Variants in MAP7D1 observed in about 807,000 individuals in gnomAD.
MAP7D1 encodes the protein MAP7 domain-containing protein 1.
A neutral mutation model predicts 97.5 loss-of-function variants in MAP7D1; 30 were observed. The ratio of observed to expected loss-of-function variants is 0.31; its 90% confidence interval spans 0.23 to 0.42. The LOEUF (loss-of-function observed/expected upper bound fraction) is 0.42. Ranked by LOEUF, MAP7D1 falls within the 10% of genes least tolerant of loss-of-function variation. The probability of loss-of-function intolerance (pLI) is 1.00; values close to 1 mark genes in which losing one functional copy is unlikely to be tolerated. For missense variants in MAP7D1, 1,184 were observed against 1,179.5 expected (o/e 1.00, Z -0.06); for synonymous variants, 536 against 477.1 (o/e 1.12, Z -1.61).
intron 1 of MAP7D1, among the ~76,000 whole-genome samples, chr1:36,158,462 A>G (rs1468483842): frequency 2.0e-5 from 3 of 152,072 alleles, no homozygotes; most frequent in Non-Finnish European, 4.4e-5. Context: ...GAGCAGTAAC[A>G]GGGGGTGGTG....
At chr1:36,160,051 C>T (rs904404269) in intron 1 of MAP7D1, among the ~76,000 whole-genome samples, 1 of 152,196 alleles carries the variant, frequency 6.6e-6, no homozygotes, top group Non-Finnish European at 1.5e-5. Context: ...GAAAGCTGGG[C>T]CCAGACTAGA....
intron 1 of MAP7D1, among the ~76,000 whole-genome samples, chr1:36,162,153 G>A (rs1644421706): frequency 6.6e-6 from 1 of 152,034 alleles, no homozygotes; most frequent in African/African-American, 2.4e-5. Flanking sequence ...CCTCTCCCAT[G>A]CTTCCTGCCT....
chr1:36,168,246 G>C (rs1644497220), intron 1 of MAP7D1, among the ~76,000 whole-genome samples: 2 of 148,628 alleles, frequency 1.3e-5, no homozygotes, highest in Non-Finnish European at 3.0e-5. Flanking sequence ...AGTGAGCCGA[G>C]ATCGCACCAC....
intron 3 of MAP7D1, chr1:36,172,145 G>A: frequency 4.6e-6 from 1 of 218,102 alleles, no homozygotes; most frequent in Non-Finnish European, 9.0e-6. Context: ...CAAATCCCAT[G>A]CTCTTAATCA....
chr1:36,168,120 C>G (rs964901261), intron 1 of MAP7D1, among the ~76,000 whole-genome samples: 1 of 151,368 alleles, frequency 6.6e-6, no homozygotes, highest in African/African-American at 2.5e-5. Flanking sequence ...CATGGTGAAA[C>G]CCCGTCTCTA....
intron 1 of MAP7D1, among the ~76,000 whole-genome samples, chr1:36,167,067 C>G (rs892893432): frequency 7.9e-5 from 12 of 152,078 alleles, no homozygotes; most frequent in Admixed American, 6.6e-4. Flanking sequence ...AGGGAGAGGC[C>G]TGGGCTGGAG....
rs1324784650 is a variant in MAP7D1 at position 36,176,584 on chromosome 1, G to A, written c.1233+3G>A. 6.5e-7 allele frequency: 1 copy of A among 1,526,928 alleles called. No homozygotes were observed. 94.6% of individuals were successfully genotyped at this position (1,526,928 alleles called of 1,614,324 possible). ...GCCGCCGGCCGGAGGCCTCGCCGGT[G>A]AGTGGCTCTACTGGCTCGAGTGGCC... On this transcript the variant is annotated splice_donor_region_variant and intron_variant, in intron 7 of 16. Transcript: ENST00000474796. The surrounding 1 kb of genome is among the most constrained non-coding windows in gnomAD (Gnocchi z 6.1).
rs763622720 is a variant in MAP7D1, at chr1:36,173,394, G to C, written c.655G>C (p.Val219Leu). ...ERYEAAIQRS[V>L]KKTWAEIRQQ... Reference sequence around the variant, plus strand: ...CTATGAAGCAGCCATCCAACGGTCAGTGAAGAAGACGTGGGCCGAAATCCG... The same window carrying C: ...CTATGAAGCAGCCATCCAACGGTCACTGAAGAAGACGTGGGCCGAAATCCG... The change falls in exon 5 of 17, where the codon GTG becomes CTG. Residue 219 changes from valine (V) to leucine (L), a missense_variant. By Grantham distance (32) the Val-to-Leu change is conservative (BLOSUM62 1). Coordinates refer to ENST00000474796, the MANE Select transcript of MAP7D1 (RefSeq NM_001388490.1). The C allele has an allele frequency of 6.2e-7, 1 of 1,614,122 alleles. No individual in the cohort carries two copies. The highest frequency in any genetic ancestry group is 1.7e-5 in the Admixed American group (1 of 60,008).
intron 1 of MAP7D1, among the ~76,000 whole-genome samples, chr1:36,167,737 T>A (rs1183831972): frequency 2.1e-5 from 3 of 140,122 alleles, no homozygotes; most frequent in African/African-American, 7.6e-5. Flanking sequence ...GATGCCTGGG[T>A]GCAGGTTCTT....
Position 36,171,031 on chromosome 1 carries a change from CA to C in MAP7D1, c.108del (p.Pro37HisfsTer19). ...RPSPEGDPSP[P>X]PPPMSALVPD... ...TCTCCAGAAGGTGACCCTTCCCCCC[CA>C]CCACCACCAATGTCAGCCCTGGTCC... On this transcript the variant is annotated frameshift_variant, in exon 2 of 17. Coordinates refer to ENST00000474796, the MANE Select transcript of MAP7D1 (RefSeq NM_001388490.1). LOFTEE classifies it high-confidence loss of function. 1.9e-6 allele frequency: 3 copies of C among 1,579,614 alleles called. No individual in the cohort carries two copies. Among genetic ancestry groups the C allele is most frequent in the Non-Finnish European group, 2.6e-6 (3 of 1,152,822 alleles).
In MAP7D1 at chr1:36,179,731, C is replaced by T; in HGVS notation, c.2293C>T (p.Pro765Ser). 6.6e-7 allele frequency: 1 copy of T among 1,519,014 alleles called. No homozygotes were observed. The highest frequency in any genetic ancestry group is 2.3e-5 in the Admixed American group (1 of 43,836). The allele number at this position is 1,519,014 out of a possible 1,614,324, so 94.1% of individuals were successfully genotyped here. A position where few individuals can be genotyped will look rare whatever the true frequency, so the allele number is the denominator to read the frequency against. ...LQKEAVQKEE[P>S]IPQEPQWSLP... ...GAAGGAGGCTGTGCAGAAAGAGGAG[C>T]CCATCCCACAGGAGCCTCAGTGGAG... The change falls in exon 15 of 17, where the codon CCC becomes TCC. Residue 765 changes from proline to serine, a missense_variant. By Grantham distance (74) the Pro-to-Ser change is moderately conservative. Transcript: ENST00000474796.
At chr1:36,169,567 A>G (rs116617189) in intron 1 of MAP7D1, among the ~76,000 whole-genome samples, 3,636 of 152,280 alleles carry the variant, frequency 0.024, 76 homozygotes, top group Non-Finnish European at 0.039. Flanking sequence ...AAAAAAAAAA[A>G]AAAGAAAAAT....
At position 36,180,444 on chromosome 1, in the gene MAP7D1, C is replaced by T; in HGVS notation, c.*186C>T. 2 of 762,054 alleles carry T rather than the reference C, an allele frequency of 2.6e-6. No individual in the cohort carries two copies. The highest frequency in any genetic ancestry group is 4.5e-6 in the Non-Finnish European group (2 of 447,518). 47.2% of individuals were successfully genotyped at this position (762,054 alleles called of 1,614,324 possible). ...TCTTTGGCCGGAGCCAGATCTGCCC[C>T]TCAGTGCATTCGTGTGCTCGCACGC... is the stretch of plus-strand genomic sequence containing the variant. On this transcript the variant is annotated 3_prime_UTR_variant, in exon 17 of 17. Coordinates refer to ENST00000474796, the MANE Select transcript of MAP7D1 (RefSeq NM_001388490.1).
chr1:36,176,610 G>C lies in MAP7D1; in HGVS notation c.1233+29G>C. 2 of 1,544,892 alleles carry C rather than the reference G, an allele frequency of 1.3e-6. No individual in the cohort carries two copies. The highest frequency in any genetic ancestry group is 1.7e-6 in the Non-Finnish European group (2 of 1,143,632). On this transcript the variant is annotated intron_variant, in intron 7 of 16. Coordinates refer to ENST00000474796, the MANE Select transcript of MAP7D1 (RefSeq NM_001388490.1). This position sits in a 1 kb window ranked among gnomAD's most constrained non-coding sequence, Gnocchi z 6.1. ...AGTGGCTCTACTGGCTCGAGTGGCC[G>C]CGCAGGTGGGGACAGGCAGCCTGGA...
In MAP7D1 at chr1:36,171,042, A is replaced by G. The variant is rs200505073; in HGVS notation, c.118A>G (p.Met40Val). The change falls in exon 2 of 17, where the codon ATG (methionine) becomes GTG (valine). Residue 40 changes from methionine to valine, a missense_variant. Coordinates refer to ENST00000474796, the MANE Select transcript of MAP7D1 (RefSeq NM_001388490.1). ...TGACCCTTCCCCCCCACCACCACCAATGTCAGCCCTGGTCCCCGACACTCC... is the reference window on the plus strand; with the variant it reads ...TGACCCTTCCCCCCCACCACCACCAGTGTCAGCCCTGGTCCCCGACACTCC... Reference protein sequence around the residue: ...EGDPSPPPPPMSALVPDTPPD... With the variant: ...EGDPSPPPPPVSALVPDTPPD... The G allele has an allele frequency of 1.3e-4, 185 of 1,423,550 alleles. No individual in the cohort carries two copies. Among genetic ancestry groups the G allele is most frequent in the Middle Eastern group, 3.8e-4 (2 of 5,212 alleles). The allele number at this position is 1,423,550 out of a possible 1,614,324, so 88.2% of individuals were successfully genotyped here. A position where few individuals can be genotyped will look rare whatever the true frequency, so the allele number is the denominator to read the frequency against.
In MAP7D1 at chr1:36,176,386, G is replaced by A; in HGVS notation, c.1038G>A (p.Gly346=). ...WGRAGASLAR[G]PQPDRTHPSA... Reference sequence around the variant, plus strand: ...GGGCAGGGGCCAGCCTGGCGCGCGGGCCGCAACCCGACCGCACTCATCCCT... The same window carrying A: ...GGGCAGGGGCCAGCCTGGCGCGCGGACCGCAACCCGACCGCACTCATCCCT... The change falls in exon 7 of 17, where the codon GGG becomes GGA. Residue 346 remains glycine (G), a synonymous_variant. Transcript: ENST00000474796. This position sits in a 1 kb window ranked among gnomAD's most constrained non-coding sequence, Gnocchi z 6.1. The A allele has an allele frequency of 1.3e-6, 2 of 1,525,700 alleles. No homozygotes were observed. The highest frequency in any genetic ancestry group is 1.8e-6 in the Non-Finnish European group (2 of 1,142,544). 94.5% of individuals were successfully genotyped at this position (1,525,700 alleles called of 1,614,324 possible). A position where few individuals can be genotyped will look rare whatever the true frequency, so the allele number is the denominator to read the frequency against.
intron 13 of MAP7D1, 28 bp downstream of exon 13, chr1:36,179,343 G>T: frequency 6.2e-7 from 1 of 1,613,272 alleles, no homozygotes; most frequent in Non-Finnish European, 8.5e-7. Flanking sequence ...GGGCAGTGCT[G>T]GGCGTGGGGG....
Position 36,176,763 on chromosome 1 carries a change from G to GAGCGCAGCCTCAAGA in MAP7D1, c.1306_1320dup (p.Ser436_Arg440dup), listed in dbSNP as rs753938111. On this transcript the variant is annotated inframe_insertion, in exon 8 of 17. Coordinates refer to ENST00000474796, the MANE Select transcript of MAP7D1 (RefSeq NM_001388490.1). This position sits in a 1 kb window ranked among gnomAD's most constrained non-coding sequence, Gnocchi z 6.1. ...GAAGGAGAAGAGTGCCCTAGCCCGG[G>GAGCGCAGCCTCAAGA]AGCGCAGCCTCAAGAAGCGCCAGTC... The GAGCGCAGCCTCAAGA allele has an allele frequency of 6.2e-7, 1 of 1,603,670 alleles. No homozygotes were observed. Among genetic ancestry groups the GAGCGCAGCCTCAAGA allele is most frequent in the Admixed American group, 1.7e-5 (1 of 58,296 alleles).
rs493492 is a variant in MAP7D1, at chr1:36,162,640, G to A, written c.46+6177G>A. Among the ~76,000 whole-genome samples the A allele has an allele frequency of 6.2e-3, 938 of 152,318 alleles. 17 individuals are homozygous for A. Among genetic ancestry groups the A allele is most frequent in the African/African-American group, 0.022 (896 of 41,560 alleles). On this transcript the variant is annotated intron_variant, in intron 1 of 16. Transcript: ENST00000474796. The stretch of plus-strand genomic sequence containing the variant: ...ATCAGGATCAAATGGGATAGGGAAA[G>A]TGCTTGGTTTATGTTAGAGCTTCAG...
Sources: allele counts gnomAD v4.1 joint callset (sites outside exome capture counted in the v4.1 genomes callset), GRCh38; gene constraint gnomAD v4.1.1; non-coding constraint Gnocchi (gnomAD v3.1); transcripts MANE v1.5; gene names NCBI Gene and HGNC (gene_info 2026-07-23, HGNC 2026-07-21).